RNF130: variants seen among roughly 807,000 people sequenced by gnomAD.
The protein encoded by RNF130 is ring finger protein 130.
RNF130 carries 21 observed loss-of-function variants against 44.6 expected under a neutral mutation model. That is an observed-to-expected ratio of 0.47 (90% CI 0.33 to 0.68). The LOEUF is 0.68. RNF130 is among the 30% of genes least tolerant of loss of function. RNF130 has a pLI of 0.02. For missense variants in RNF130, 479 were observed against 560.6 expected (o/e 0.85, Z 1.47); for synonymous variants, 214 against 210.4 (o/e 1.02, Z -0.15).
chr5:180,012,846 G>A (rs1168957055), intron 3 of RNF130, among the ~76,000 whole-genome samples: 3 of 152,148 alleles, frequency 2.0e-5, no homozygotes, highest in Non-Finnish European at 4.4e-5. Context: ...TACCTGACTA[G>A]AATATTCTAG....
chr5:179,954,101 T>C (rs532361687), downstream of RNF130, among the ~76,000 whole-genome samples: 11 of 152,314 alleles, frequency 7.2e-5, no homozygotes, highest in African/African-American at 2.4e-4. Context: ...GTCACTGGTG[T>C]TATGGAGGTT....
chr5:179,997,076 T>C (rs1005347336), intron 3 of RNF130, among the ~76,000 whole-genome samples: 5 of 152,190 alleles, frequency 3.3e-5, no homozygotes, highest in African/African-American at 1.2e-4. Flanking sequence ...TACTAGTGGT[T>C]GTCAATTTTA....
chr5:179,963,435 C>G (rs374853829), intron 8 of RNF130, 36 bp downstream of exon 8: 1 of 1,513,890 alleles, frequency 6.6e-7, no homozygotes, highest in South Asian at 1.2e-5. Flanking sequence ...CTGGGATCAT[C>G]TGGCACATGC....
intron 3 of RNF130, among the ~76,000 whole-genome samples, chr5:180,012,276 G>A (rs1323595250): frequency 6.6e-6 from 1 of 152,188 alleles, no homozygotes; most frequent in Non-Finnish European, 1.5e-5. Context: ...CATGTTAGGA[G>A]AAGACAGCGT....
In RNF130 at chr5:180,071,543, A is replaced by T; in HGVS notation, c.160T>A (p.Phe54Ile). 7.1e-7 allele frequency: 1 copy of T among 1,407,468 alleles called. No individual in the cohort carries two copies. Among genetic ancestry groups the T allele is most frequent in the Non-Finnish European group, 9.3e-7 (1 of 1,072,194 alleles). The allele number at this position is 1,407,468 out of a possible 1,614,324, so 87.2% of individuals were successfully genotyped here. A position where few individuals can be genotyped will look rare whatever the true frequency, so the allele number is the denominator to read the frequency against. Residue 54 changes from phenylalanine to isoleucine, a missense_variant, in exon 1 of 9, where the codon TTT becomes ATT. Phe to Ile is a conservative substitution (Grantham distance 21). This residue lies in a region of RNF130 where 138 missense variants were observed against 126.9 expected (regional missense o/e 1.09). Transcript: ENST00000521389. ...CCGTAGCGCCCGCGGTCGATGCGAA[A>T]CGTGAGCGGGGCGCCGCGGCCGGGC... ...QEPGRGAPLT[F>I]RIDRGRYGLD...
intron 3 of RNF130, among the ~76,000 whole-genome samples, chr5:180,007,141 C>T (rs1261448509): frequency 6.6e-6 from 1 of 152,198 alleles, no homozygotes; most frequent in Non-Finnish European, 1.5e-5. Flanking sequence ...AGGTTCATGC[C>T]TGTCATTCCA....
At chr5:179,968,909 G>A (rs1421681828) in intron 6 of RNF130, among the ~76,000 whole-genome samples, 4 of 152,160 alleles carry the variant, frequency 2.6e-5, no homozygotes, top group African/African-American at 2.4e-5. Flanking sequence ...AGTCCATGGT[G>A]TCACTAATGC....
chr5:180,070,900 T>C (rs1765240145), intron 1 of RNF130, among the ~76,000 whole-genome samples: 1 of 152,200 alleles, frequency 6.6e-6, no homozygotes, highest in African/African-American at 2.4e-5. Context: ...TGTGACATTT[T>C]CAGGCGTCAA....
intron 1 of RNF130, among the ~76,000 whole-genome samples, chr5:180,055,397 G>C (rs1764791989): frequency 6.7e-6 from 1 of 148,238 alleles, no homozygotes; most frequent in Non-Finnish European, 1.5e-5. Flanking sequence ...TTTAATTAAG[G>C]ATTAACACTG....
chr5:179,960,461 GCC>G (rs1158542660), intron 8 of RNF130, among the ~76,000 whole-genome samples: 2 of 152,236 alleles, frequency 1.3e-5, no homozygotes, highest in Non-Finnish European at 2.9e-5. Context: ...ACAGCACGAA[GCC>G]CTTGGTCAAT....
chr5:179,999,184 G>A (rs1158419536), intron 3 of RNF130, among the ~76,000 whole-genome samples: 3 of 151,436 alleles, frequency 2.0e-5, no homozygotes, highest in Non-Finnish European at 4.4e-5. Context: ...ACCATGCCGG[G>A]CTGATTTTTG....
intron 1 of RNF130, among the ~76,000 whole-genome samples, chr5:180,063,799 G>GCGTT (rs1765039999): frequency 6.6e-6 from 1 of 152,150 alleles, no homozygotes; most frequent in South Asian, 2.1e-4. Flanking sequence ...AAAGACCAAC[G>GCGTT]GTACATGGTT....
At chr5:179,924,077 G>A (rs1470318911) in intron 7 of RNF130, among the ~76,000 whole-genome samples, 1 of 152,204 alleles carries the variant, frequency 6.6e-6, no homozygotes, top group Non-Finnish European at 1.5e-5. Context: ...CAGCTTGATG[G>A]TCAGTATCTG....
chr5:179,960,260 G>T (rs977992146), intron 8 of RNF130, among the ~76,000 whole-genome samples: 1 of 152,116 alleles, frequency 6.6e-6, no homozygotes, highest in Non-Finnish European at 1.5e-5. Context: ...TATTTACCTT[G>T]CATTTATTCA....
intron 5 of RNF130, among the ~76,000 whole-genome samples, chr5:179,971,051 C>G (rs1384443787): frequency 6.6e-6 from 1 of 152,114 alleles, no homozygotes; most frequent in Non-Finnish European, 1.5e-5. Flanking sequence ...TGCCTAGATT[C>G]AAGTAACACT....
chr5:179,953,116 AT>A (rs773389244), downstream of RNF130, among the ~76,000 whole-genome samples: 61 of 92,598 alleles, frequency 6.6e-4, no homozygotes, highest in Non-Finnish European at 1.3e-3. Flanking sequence ...CCACAAAAAA[AT>A]ATGAGAATAA....
intron 3 of RNF130, among the ~76,000 whole-genome samples, chr5:179,989,553 TAAG>T (rs748326646): frequency 1.4e-4 from 22 of 152,348 alleles, no homozygotes; most frequent in Middle Eastern, 3.4e-3. Flanking sequence ...TTATCTGGCA[TAAG>T]AATAGCTATT....
At chr5:179,978,144 A>G (rs27018) in intron 5 of RNF130, 59 bp downstream of exon 5, 209,322 of 1,409,866 alleles carry the variant, frequency 0.15, 16,463 homozygotes, top group East Asian at 0.23. Flanking sequence ...CCACCCTGAA[A>G]AGGAGGCATA....
At chr5:180,050,983 C>T (rs889593271) in intron 1 of RNF130, among the ~76,000 whole-genome samples, 3 of 151,726 alleles carry the variant, frequency 2.0e-5, no homozygotes, top group South Asian at 2.1e-4. Context: ...TTTGTATTTA[C>T]CCCAACATGA....
Sources: allele counts gnomAD v4.1 joint callset (sites outside exome capture counted in the v4.1 genomes callset), GRCh38; gene constraint gnomAD v4.1.1; regional missense constraint gnomAD v4.1.1; transcripts MANE v1.5; gene names NCBI Gene and HGNC (gene_info 2026-07-23, HGNC 2026-07-21).